REEP1: variants seen among roughly 807,000 people sequenced by gnomAD.
REEP1 encodes receptor accessory protein 1, also known as receptor expression-enhancing protein 1.
Under a neutral mutation model 40.3 loss-of-function variants are expected in REEP1, and 22 were observed. The ratio of observed to expected loss-of-function variants is 0.55; its 90% CI spans 0.39 to 0.78. REEP1 has a LOEUF of 0.78. REEP1 is among the 30% of genes least tolerant of loss of function. The probability of loss-of-function intolerance (pLI) is 0.00; values close to 1 mark genes in which losing one functional copy is unlikely to be tolerated. For synonymous variants in REEP1, 116 were observed against 139.2 expected (o/e 0.83, Z 1.17); for missense variants, 280 against 361.1 (o/e 0.78, Z 1.82).
At chr2:86,330,801 T>A (rs1680730514) in intron 1 of REEP1, among the ~76,000 whole-genome samples, 1 of 152,114 alleles carries the variant, frequency 6.6e-6, no homozygotes, top group South Asian at 2.1e-4. Context: ...CCTGGGACTC[T>A]CAGTGAATGC....
In REEP1 at chr2:86,227,408, T is replaced by C. The variant is rs1232446422; in HGVS notation, c.596-10A>G. The stretch of plus-strand genomic sequence containing the variant: ...GAGCAGCAGGTACACACTGTGGGAA[T>C]GGGGTAGGGGCACCATCAGTGACAT... On this transcript the variant is annotated splice_polypyrimidine_tract_variant and intron_variant, in intron 6 of 8. Coordinates refer to ENST00000538924, the MANE Select transcript of REEP1 (RefSeq NM_001371279.1). The C allele has an allele frequency of 1.5e-5, 18 of 1,232,230 alleles. No homozygotes were observed. Among genetic ancestry groups the C allele is most frequent in the Non-Finnish European group, 1.6e-5 (16 of 988,154 alleles). 76.3% of individuals were successfully genotyped at this position (1,232,230 alleles called of 1,614,324 possible).
intron 1 of REEP1, among the ~76,000 whole-genome samples, chr2:86,331,541 G>T (rs1298741208): frequency 6.6e-6 from 1 of 152,010 alleles, no homozygotes; most frequent in East Asian, 1.9e-4. Context: ...TGGGGGGGCG[G>T]GGAATGTAGT....
chr2:86,215,058 T>G lies in REEP1; in HGVS notation c.*1981A>C, dbSNP rs1386527202. On this transcript the variant is annotated 3_prime_UTR_variant, in exon 9 of 9. Coordinates refer to ENST00000538924, the MANE Select transcript of REEP1 (RefSeq NM_001371279.1). ...TTTTTTTTTTTTTTGCATTCGTTTC[T>G]GATAATTCTGGGTACTTCCAACTAA... The G allele has an allele frequency of 7.2e-6, 1 of 139,596 alleles. No individual in the cohort carries two copies. Among genetic ancestry groups the G allele is most frequent in the African/African-American group, 2.6e-5 (1 of 38,108 alleles). 8.6% of individuals were successfully genotyped at this position (139,596 alleles called of 1,614,324 possible). A position where few individuals can be genotyped will look rare whatever the true frequency, so the allele number is the denominator to read the frequency against.
upstream of REEP1, chr2:86,338,021 T>TACCTGGATCCAGAC: frequency 2.0e-6 from 3 of 1,537,110 alleles, no homozygotes; most frequent in Non-Finnish European, 2.6e-6. Flanking sequence ...ATAAAGGGTT[T>TACCTGGATCCAGAC]ACCTGGATCC....
intron 4 of REEP1, among the ~76,000 whole-genome samples, chr2:86,254,332 C>T (rs114461793): frequency 0.012 from 1,836 of 152,052 alleles, 17 homozygotes; most frequent in Middle Eastern, 0.041. Flanking sequence ...CACCTGGCTT[C>T]CAGGTAAGAT....
At chr2:86,333,951 T>G (rs1416286769) in intron 1 of REEP1, among the ~76,000 whole-genome samples, 1 of 152,210 alleles carries the variant, frequency 6.6e-6, no homozygotes, top group Non-Finnish European at 1.5e-5. Context: ...GTCCTCACTC[T>G]AAGAGCCTTG....
In REEP1 at chr2:86,337,497, AT is replaced by A; in HGVS notation, c.13del (p.Ile5SerfsTer23). The A allele has an allele frequency of 7.7e-7, 1 of 1,299,172 alleles. No homozygotes were observed. The highest frequency in any genetic ancestry group is 2.3e-5 in the South Asian group (1 of 43,384). The allele number at this position is 1,299,172 out of a possible 1,614,324, so 80.5% of individuals were successfully genotyped here. Reference protein sequence around the residue: MVSWIISRLVVLIFG... With the variant: MVSWXISRLVVLIFG... The stretch of plus-strand genomic sequence containing the variant: ...CACTTACACCACCAGCCTGGAGATG[AT>A]CCATGACACCATGGCGGGCAGGCGG... On this transcript the variant is annotated frameshift_variant, in exon 1 of 9. Transcript: ENST00000538924. LOFTEE classifies it high-confidence loss of function. This position sits in a 1 kb window ranked among gnomAD's most constrained non-coding sequence, Gnocchi z 5.8.
intron 2 of REEP1, among the ~76,000 whole-genome samples, chr2:86,270,096 C>T (rs1351351312): frequency 1.3e-5 from 2 of 152,192 alleles, no homozygotes; most frequent in African/African-American, 4.8e-5. Context: ...ATTATGAAAA[C>T]TAAACTTTTG....
chr2:86,228,244 G>C (rs1674822454), intron 6 of REEP1, among the ~76,000 whole-genome samples: 1 of 152,110 alleles, frequency 6.6e-6, no homozygotes, highest in Non-Finnish European at 1.5e-5. Context: ...GAGTATGTTG[G>C]GTAGGCATTT....
intron 2 of REEP1, among the ~76,000 whole-genome samples, chr2:86,267,860 G>A (rs1249940605): frequency 6.6e-6 from 1 of 150,380 alleles, no homozygotes; most frequent in Admixed American, 6.6e-5. Flanking sequence ...ACAATAAAAG[G>A]GTACATAACC....
intron 5 of REEP1, among the ~76,000 whole-genome samples, chr2:86,244,586 G>A (rs1675831613): frequency 6.6e-6 from 1 of 152,166 alleles, no homozygotes; most frequent in Non-Finnish European, 1.5e-5. Context: ...AGAGGAAGAA[G>A]AAATAAGAGC....
At chr2:86,290,321 T>G (rs963989829) in intron 1 of REEP1, among the ~76,000 whole-genome samples, 2 of 152,116 alleles carry the variant, frequency 1.3e-5, no homozygotes, top group Non-Finnish European at 2.9e-5. Context: ...GAAGGAATTT[T>G]GGGGAGGGAT....
In REEP1 at chr2:86,232,721, G is replaced by A. The variant is rs896864468; in HGVS notation, c.499C>T (p.Pro167Ser). The A allele has an allele frequency of 6.2e-7, 1 of 1,609,834 alleles. No homozygotes were observed. ...TTIRGDGAPA[P>S]SGPPPPGSGR... ...GACCCCGGTGGTGGGGGGCCCGAGG[G>A]AGCAGGGGCGCCGTCTCCCCTGATG... Residue 167 changes from proline (P) to serine (S), a missense_variant, in exon 6 of 9, where the codon CCC becomes TCC. Pro to Ser is a moderately conservative substitution (Grantham distance 74, BLOSUM62 -1). This residue lies in a region of REEP1 where 201 missense variants were observed against 238.5 expected (regional missense o/e 0.84). Transcript: ENST00000538924.
intron 8 of REEP1, among the ~76,000 whole-genome samples, chr2:86,218,606 C>T (rs986949265): frequency 6.6e-6 from 1 of 152,210 alleles, no homozygotes; most frequent in Non-Finnish European, 1.5e-5. Context: ...CTTTAATAAA[C>T]AAAAGCAAAA....
intron 5 of REEP1, among the ~76,000 whole-genome samples, chr2:86,234,178 T>C (rs187983628): frequency 4.6e-4 from 69 of 151,286 alleles, no homozygotes; most frequent in African/African-American, 1.6e-3. Context: ...ATGAGTTCAT[T>C]AGAGGGGAGG....
At chr2:86,260,609 A>G (rs561986680) in intron 3 of REEP1, among the ~76,000 whole-genome samples, 2 of 152,364 alleles carry the variant, frequency 1.3e-5, no homozygotes, top group South Asian at 2.1e-4. Flanking sequence ...AGAAGCAGAC[A>G]CAGAGTCAAA....
chr2:86,239,208 C>CAAAAAAAAAAAAAAAAAA (rs35714309), intron 5 of REEP1, among the ~76,000 whole-genome samples: 2 of 58,348 alleles, frequency 3.4e-5, no homozygotes, highest in Non-Finnish European at 5.8e-5. Context: ...CCATCTAGAC[C>CAAAAAAAAAAAAAAAAAA]AAAAAAAAAA....
chr2:86,231,195 A>G (rs1674991611), intron 6 of REEP1, among the ~76,000 whole-genome samples: 1 of 151,586 alleles, frequency 6.6e-6, no homozygotes, highest in Non-Finnish European at 1.5e-5. Context: ...AAGATCCCTG[A>G]GGTCATTTCC....
At chr2:86,236,920 G>A (rs1176915088) in intron 5 of REEP1, among the ~76,000 whole-genome samples, 1 of 152,174 alleles carries the variant, frequency 6.6e-6, no homozygotes, top group Non-Finnish European at 1.5e-5. Flanking sequence ...ATTTTTAGTA[G>A]AGACGGGGTT....
Sources: allele counts gnomAD v4.1 joint callset (sites outside exome capture counted in the v4.1 genomes callset), GRCh38; gene constraint gnomAD v4.1.1; regional missense constraint gnomAD v4.1.1; non-coding constraint Gnocchi (gnomAD v3.1); transcripts MANE v1.5; gene names NCBI Gene and HGNC (gene_info 2026-07-23, HGNC 2026-07-21).